Variants in HPS4 observed in about 807,000 individuals in gnomAD.
The protein encoded by HPS4 is BLOC-3 complex member HPS4.
HPS4 carries 44 observed loss-of-function variants against 70.3 expected under a neutral mutation model. The ratio of observed to expected loss-of-function variants is 0.63; its 90% CI spans 0.49 to 0.80. The LOEUF is 0.80. HPS4 is among the 30% of genes least tolerant of loss of function. The pLI, the probability that HPS4 is intolerant of heterozygous loss-of-function variation, is 0.00. For synonymous variants in HPS4, 377 were observed against 355.9 expected, an observed-to-expected ratio of 1.06 and a Z score of -0.67; for missense variants, 873 against 884.4, an observed-to-expected ratio of 0.99 and a Z score of 0.16.
At position 26,466,211 on chromosome 22, in the gene HPS4, C is replaced by T. The variant is rs762647750; in HGVS notation, c.706+15G>A. ...CCGCCGTTCTCAAGAGGCAACCATG[C>T]GCCTCACTACTTACCATGTTCCTGC... is the stretch of plus-strand genomic sequence containing the variant. On this transcript the variant is annotated intron_variant, in intron 9 of 13. Transcript: ENST00000398145. The T allele has an allele frequency of 1.7e-5, 27 of 1,613,894 alleles. No homozygotes were observed. The highest frequency in any genetic ancestry group is 4.4e-5 in the South Asian group (4 of 91,088).
At chr22:26,443,205 G>A (rs2084868382), downstream of HPS4, 1 of 1,613,884 alleles carries the variant, frequency 6.2e-7, no homozygotes, top group Non-Finnish European at 8.5e-7. Context: ...CCGGGACGAT[G>A]AGAGTATTTC....
intron 11 of HPS4, 56 bp downstream of exon 11, chr22:26,463,861 G>A: frequency 6.4e-7 from 1 of 1,563,962 alleles, no homozygotes. Context: ...TGTGAGGGAA[G>A]CACAGGAGAT....
chr22:26,460,769 G>A (rs972160675), intron 11 of HPS4, among the ~76,000 whole-genome samples: 1 of 152,190 alleles, frequency 6.6e-6, no homozygotes, highest in Admixed American at 6.5e-5. Flanking sequence ...GCCTATCTTT[G>A]TACAGTCTGA....
At position 26,472,306 on chromosome 22, in the gene HPS4, G is replaced by C; in HGVS notation, c.497C>G (p.Thr166Ser). The C allele has an allele frequency of 6.3e-7, 1 of 1,582,094 alleles. No individual in the cohort carries two copies. Among genetic ancestry groups the C allele is most frequent in the Non-Finnish European group, 8.7e-7 (1 of 1,150,780 alleles). ...IFNSLWNLDQ[T>S]KVEPLLLLKA... ...TAAGGAGGATGAAAATGTTACTTTA[G>C]TTTGGTCCAAGTTCCAGAGGGAATT... The change falls in exon 6 of 14, where the codon ACT (threonine) becomes AGT (serine). Residue 166 changes from threonine to serine, a missense_variant. By Grantham distance (58) the Thr-to-Ser change is moderately conservative. Transcript: ENST00000398145.
intron 13 of HPS4, 90 bp downstream of exon 13, chr22:26,457,769 T>C: frequency 1.1e-6 from 1 of 916,842 alleles, no homozygotes; most frequent in Non-Finnish European, 1.8e-6. Context: ...TTTCATCTAC[T>C]TAGGAATAAG....
At position 26,472,327 on chromosome 22, in the gene HPS4, G is replaced by T; in HGVS notation, c.476C>A (p.Ser159Tyr). Residue 159 changes from serine to tyrosine, a missense_variant, in exon 6 of 14, where the codon TCC becomes TAC. Coordinates refer to ENST00000398145, the MANE Select transcript of HPS4 (RefSeq NM_022081.6). ...NTSDLHKIFN[S>Y]LWNLDQTKVE... ...TTTAGTTTGGTCCAAGTTCCAGAGGGAATTGAAAATCTTATGCAGATCACT... is the reference window on the plus strand; with the variant it reads ...TTTAGTTTGGTCCAAGTTCCAGAGGTAATTGAAAATCTTATGCAGATCACT... 1.2e-6 allele frequency: 2 copies of T among 1,610,666 alleles called. No individual in the cohort carries two copies. The highest frequency in any genetic ancestry group is 1.7e-6 in the Non-Finnish European group (2 of 1,176,840).
chr22:26,469,656 G>A (rs2089431769), intron 7 of HPS4, among the ~76,000 whole-genome samples: 1 of 146,272 alleles, frequency 6.8e-6, no homozygotes, highest in African/African-American at 2.5e-5. Context: ...TTTGAGACCA[G>A]CCTGGGCAAC....
intron 10 of HPS4, 30 bp downstream of exon 10, chr22:26,465,425 G>A: frequency 2.0e-6 from 3 of 1,501,264 alleles, no homozygotes; most frequent in Non-Finnish European, 2.8e-6. Flanking sequence ...CAGGTGTGGT[G>A]CAAGGTTAAC....
chr22:26,445,482 G>A (rs186443517), intron 3 of HPS4, among the ~76,000 whole-genome samples: 11 of 152,304 alleles, frequency 7.2e-5, no homozygotes, highest in Admixed American at 5.2e-4. Context: ...AGTGGGGTGG[G>A]GACAAGAGCA....
In HPS4 at chr22:26,463,936, C is replaced by A. The variant is rs561308139; in HGVS notation, c.1694G>T (p.Ser565Ile). 6.2e-7 allele frequency: 1 copy of A among 1,613,640 alleles called. No homozygotes were observed. The highest frequency in any genetic ancestry group is 1.7e-5 in the Admixed American group (1 of 60,032). ...LLAEEPLLGDSAAIEEVYHSS... is the reference protein window; with the variant it reads ...LLAEEPLLGDIAAIEEVYHSS... Reference sequence around the variant, plus strand: ...ACTCACCACTTCCTCTATGGCTGCGCTGTCTCCCAGCAGCGGCTCCTCAGC... The same window carrying A: ...ACTCACCACTTCCTCTATGGCTGCGATGTCTCCCAGCAGCGGCTCCTCAGC... The change falls in exon 11 of 14, where the codon AGC becomes ATC. Residue 565 changes from serine to isoleucine, a missense_variant. Coordinates refer to ENST00000398145, the MANE Select transcript of HPS4 (RefSeq NM_022081.6).
Position 26,481,007 on chromosome 22 carries a change from T to C in HPS4, c.41+715A>G, listed in dbSNP as rs367562267. Among the ~76,000 whole-genome samples the C allele has an allele frequency of 3.3e-5, 5 of 152,274 alleles. No individual in the cohort carries two copies. In the South Asian group the frequency reaches 1.0e-3, roughly 32 times the overall value. On this transcript the variant is annotated intron_variant, in intron 2 of 13. Coordinates refer to ENST00000398145, the MANE Select transcript of HPS4 (RefSeq NM_022081.6). The stretch of plus-strand genomic sequence containing the variant: ...ACCTAAGGCTGGATGTACAACTGGC[T>C]GCAGGGTAAGCTCAGATCAAAAAGC...
chr22:26,459,111 G>A lies in HPS4; in HGVS notation c.1714-534C>T, dbSNP rs1468198812. On this transcript the variant is annotated intron_variant, in intron 11 of 13. Transcript: ENST00000398145. ...AATACAAACAGCCTGGGACCATCCC[G>A]CATTGTTTCTCACTGGCCCTGGGTA... Among the ~76,000 whole-genome samples, 4 of 152,258 alleles carry A rather than the reference G, an allele frequency of 2.6e-5. No homozygotes were observed. The East Asian group carries it at 5.8e-4, about 22-fold the overall frequency.
chr22:26,458,071 C>T, intron 12 of HPS4, 104 bp from the exon 13 acceptor site: 1 of 1,024,268 alleles, frequency 9.8e-7, no homozygotes, highest in Non-Finnish European at 1.5e-6. Flanking sequence ...CGGCTCAAGG[C>T]CATGAGTTGG....
downstream of HPS4, among the ~76,000 whole-genome samples, chr22:26,448,723 T>C (rs2085038290): frequency 6.6e-6 from 1 of 152,210 alleles, no homozygotes; most frequent in South Asian, 2.1e-4. Context: ...AATTTCAGGT[T>C]TGGACATTTA....
rs1208429861 is a variant in HPS4 at position 26,452,002 on chromosome 22, GCGCACACACACACACACA to G, written c.*1213_*1230del. Reference sequence around the variant, plus strand: ...GCCCACGTTACGCGCGCGCGCGCGCGCGCACACACACACACACACACACACACACACACACACACACTG... The same window carrying G: ...GCCCACGTTACGCGCGCGCGCGCGCGCACACACACACACACACACACACTG... On this transcript the variant is annotated 3_prime_UTR_variant, in exon 14 of 14. Coordinates refer to ENST00000398145, the MANE Select transcript of HPS4 (RefSeq NM_022081.6). 4.4e-4 allele frequency: 38 copies of G among 86,844 alleles called. No homozygotes were observed. Among genetic ancestry groups the G allele is most frequent in the African/African-American group, 2.6e-3 (37 of 14,266 alleles). The allele number at this position is 86,844 out of a possible 1,614,324, so 5.4% of individuals were successfully genotyped here.
At chr22:26,457,508 G>A (rs1422240783) in intron 13 of HPS4, among the ~76,000 whole-genome samples, 1 of 152,176 alleles carries the variant, frequency 6.6e-6, no homozygotes, top group African/African-American at 2.4e-5. Flanking sequence ...ACTGTGCCCA[G>A]CCATATTACT....
chr22:26,483,857 C>G (rs968425), upstream of HPS4: 4 of 1,323,924 alleles, frequency 3.0e-6, no homozygotes, highest in Admixed American at 1.2e-4. Flanking sequence ...GATGACGTGC[C>G]GAGTGCGCCG....
downstream of HPS4, chr22:26,443,410 AT>A (rs35706917): frequency 0.088 from 35,451 of 403,674 alleles, 249 homozygotes; most frequent in Non-Finnish European, 0.094. Flanking sequence ...ATTTCCTTAG[AT>A]TTTTTTTTTT....
intron 3 of HPS4, among the ~76,000 whole-genome samples, chr22:26,478,741 A>G (rs751534995): frequency 2.5e-5 from 3 of 120,830 alleles, no homozygotes; most frequent in Non-Finnish European, 5.4e-5. Context: ...CTGGTGTGCA[A>G]TGGCGCAGTC....
Sources: allele counts gnomAD v4.1 joint callset (sites outside exome capture counted in the v4.1 genomes callset), GRCh38; gene constraint gnomAD v4.1.1; transcripts MANE v1.5; gene names NCBI Gene and HGNC (gene_info 2026-07-23, HGNC 2026-07-21).